The following FAM178B variants were observed in gnomAD, a reference collection of about 807,000 sequenced individuals.
The protein encoded by FAM178B is protein FAM178B.
Under a neutral mutation model 91.7 loss-of-function variants are expected in FAM178B, and 82 were observed. The observed-to-expected ratio is 0.89, with a 90% CI of 0.75 to 1.07. The LOEUF (loss-of-function observed/expected upper bound fraction) is 1.07. Ranked by LOEUF, FAM178B falls within the 50% of genes least tolerant of loss-of-function variation. FAM178B has a pLI of 0.00. For missense variants in FAM178B, 769 were observed against 846.7 expected, an observed-to-expected ratio of 0.91 and a Z score of 1.14; for synonymous variants, 368 against 359.4, an observed-to-expected ratio of 1.02 and a Z score of -0.27.
intron 4 of FAM178B, among the ~76,000 whole-genome samples, chr2:96,968,023 C>G (rs1277247460): frequency 6.7e-6 from 1 of 149,230 alleles, no homozygotes; most frequent in African/African-American, 2.5e-5. Context: ...CCTCAAATGC[C>G]TGGGCTCAAG....
chr2:96,906,485 C>T (rs62152905), intron 12 of FAM178B, among the ~76,000 whole-genome samples: 18,619 of 152,144 alleles, frequency 0.12, 1,220 homozygotes, highest in Middle Eastern at 0.22. Context: ...TGTGAACCAT[C>T]GTGGGGGTGC....
At chr2:96,893,645 C>G (rs1382078276) in intron 14 of FAM178B, among the ~76,000 whole-genome samples, 1 of 152,040 alleles carries the variant, frequency 6.6e-6, no homozygotes, top group African/African-American at 2.4e-5. Context: ...AACCCCAGAT[C>G]AACAAAAGGC....
At chr2:96,926,234 G>A (rs368071196) in intron 9 of FAM178B, among the ~76,000 whole-genome samples, 3 of 152,170 alleles carry the variant, frequency 2.0e-5, no homozygotes, top group Non-Finnish European at 2.9e-5. Context: ...ACCCGGAGGC[G>A]GAGGTTGCAG....
Position 96,972,169 on chromosome 2 carries a change from A to AG in FAM178B, c.295_296insC (p.Ile99ThrfsTer11), listed in dbSNP as rs2153375791. ...GGGAAACGTTTCCCCAGGTGCCTGT[A>AG]TCTTGGGCTTCTTTGGCGATGTGGG... On this transcript the variant is annotated frameshift_variant, in exon 3 of 17. Coordinates refer to ENST00000490605, the MANE Select transcript of FAM178B (RefSeq NM_001122646.3). LOFTEE classifies it high-confidence loss of function. 1.3e-6 allele frequency: 2 copies of AG among 1,546,360 alleles called. No homozygotes were observed. Among genetic ancestry groups the AG allele is most frequent in the East Asian group, 4.9e-5 (2 of 40,864 alleles).
At chr2:96,964,609 C>T (rs900109748) in intron 5 of FAM178B, among the ~76,000 whole-genome samples, 4 of 147,318 alleles carry the variant, frequency 2.7e-5, no homozygotes, top group Non-Finnish European at 6.0e-5. Flanking sequence ...TTGGTCACTA[C>T]CATTGGCCTA....
At chr2:96,936,418 G>A (rs1472134510) in intron 8 of FAM178B, among the ~76,000 whole-genome samples, 2 of 151,304 alleles carry the variant, frequency 1.3e-5, no homozygotes, top group Admixed American at 6.6e-5. Flanking sequence ...AGCCAGGATG[G>A]TCTCGATCTC....
chr2:96,945,156 T>C (rs992383268), intron 8 of FAM178B, among the ~76,000 whole-genome samples: 3 of 152,212 alleles, frequency 2.0e-5, no homozygotes, highest in Admixed American at 6.5e-5. Context: ...CTCACTGCAA[T>C]GAGGCATGGC....
At chr2:96,966,372 C>T (rs1254194705) in intron 5 of FAM178B, among the ~76,000 whole-genome samples, 2 of 152,144 alleles carry the variant, frequency 1.3e-5, no homozygotes, top group African/African-American at 4.8e-5. Context: ...ATGATTAGAG[C>T]CCACATCATC....
chr2:96,967,224 G>A (rs2082153804), intron 5 of FAM178B, among the ~76,000 whole-genome samples: 1 of 58,146 alleles, frequency 1.7e-5, no homozygotes, highest in Non-Finnish European at 4.8e-5. Flanking sequence ...GTTTTGTGTA[G>A]TTATTTTCCC....
At chr2:96,914,854 C>T (rs954697122) in intron 12 of FAM178B, among the ~76,000 whole-genome samples, 1 of 152,190 alleles carries the variant, frequency 6.6e-6, no homozygotes, top group African/African-American at 2.4e-5. Context: ...GGCACCACTG[C>T]ACTCCTGCCT....
chr2:96,919,862 C>T (rs1341944171), intron 12 of FAM178B, among the ~76,000 whole-genome samples: 1 of 152,216 alleles, frequency 6.6e-6, no homozygotes, highest in Non-Finnish European at 1.5e-5. Flanking sequence ...AGAGATGGGA[C>T]TGCCTGCTCA....
chr2:96,964,569 C>T (rs1401099526), intron 5 of FAM178B, among the ~76,000 whole-genome samples: 1 of 152,184 alleles, frequency 6.6e-6, no homozygotes, highest in Admixed American at 6.5e-5. Context: ...GTTTCCCCTC[C>T]AGCCTCCCTA....
At chr2:96,905,832 A>ATG (rs1559063948) in intron 12 of FAM178B, among the ~76,000 whole-genome samples, 2,239 of 25,774 alleles carry the variant, frequency 0.087, 117 homozygotes, top group Middle Eastern at 0.12. Flanking sequence ...ATATATATAT[A>ATG]TATATATATA....
intron 14 of FAM178B, among the ~76,000 whole-genome samples, chr2:96,887,215 AAACAACAACAAC>A (rs36102912): frequency 6.6e-6 from 1 of 150,948 alleles, no homozygotes; most frequent in Non-Finnish European, 1.5e-5. Context: ...ACTCTATCTC[AAACAACAACAAC>A]AACAACAACA....
At chr2:96,984,541 C>T (rs1273616640) in intron 1 of FAM178B, among the ~76,000 whole-genome samples, 1 of 152,166 alleles carries the variant, frequency 6.6e-6, no homozygotes, top group East Asian at 1.9e-4. Flanking sequence ...GACTGGCTGG[C>T]TGCTTATGAG....
chr2:96,960,674 G>A (rs2082067164), intron 5 of FAM178B, among the ~76,000 whole-genome samples: 1 of 152,240 alleles, frequency 6.6e-6, no homozygotes, highest in South Asian at 2.1e-4. Context: ...CACCAGTCCA[G>A]CAGCCAGAAG....
chr2:96,902,805 AC>A, intron 12 of FAM178B, 98 bp from the exon 13 acceptor site: 1 of 797,118 alleles, frequency 1.3e-6, no homozygotes, highest in South Asian at 1.5e-5. Context: ...TGGGGGAGCC[AC>A]CCTCCATCTG....
In FAM178B at chr2:96,949,548, T is replaced by C. The variant is rs368987449; in HGVS notation, c.994-1646A>G. On this transcript the variant is annotated intron_variant, in intron 7 of 16. Transcript: ENST00000490605. ...CTCCTCCTGGGGCCCAGCATGCCCC[T>C]ACCCTGGGACCTCAGGAACCACCCT... is the stretch of plus-strand genomic sequence containing the variant. 2.0e-4 allele frequency among the ~76,000 whole-genome samples: 30 copies of C among 152,182 alleles called. No homozygotes were observed. The East Asian group carries it at 3.7e-3, about 19-fold the overall frequency.
intron 1 of FAM178B, among the ~76,000 whole-genome samples, chr2:96,985,038 C>CT (rs1403919125): frequency 6.6e-6 from 1 of 152,154 alleles, no homozygotes; most frequent in Admixed American, 6.6e-5. Flanking sequence ...CCCAGCCCAA[C>CT]TTCAGAGCTG....
Sources: allele counts gnomAD v4.1 joint callset (sites outside exome capture counted in the v4.1 genomes callset), GRCh38; gene constraint gnomAD v4.1.1; transcripts MANE v1.5; gene names NCBI Gene and HGNC (gene_info 2026-07-23, HGNC 2026-07-21).